FAT3: variants seen among roughly 807,000 people sequenced by gnomAD.
The protein encoded by FAT3 is FAT atypical cadherin 3.
Under a neutral mutation model 310.2 loss-of-function variants are expected in FAT3, and 95 were observed. The ratio of observed to expected loss-of-function variants is 0.31; its 90% CI spans 0.26 to 0.36. The LOEUF is 0.36. Ranked by LOEUF, FAT3 falls within the 10% of genes least tolerant of loss-of-function variation. The pLI is 1.00. For missense variants in FAT3, 5,408 were observed against 5,715.6 expected (o/e 0.95, Z 1.74); for synonymous variants, 2,314 against 2,192.9 (o/e 1.06, Z -1.54).
At chr11:92,313,444 C>T (rs1353762931) in intron 1 of FAT3, among the ~76,000 whole-genome samples, 1 of 152,172 alleles carries the variant, frequency 6.6e-6, no homozygotes, top group East Asian at 1.9e-4. Flanking sequence ...GTATATTTCT[C>T]AACAATTTAA....
In FAT3 at chr11:92,652,654, A is replaced by G. The variant is rs1942421779; in HGVS notation, c.3608-44730A>G. Among the ~76,000 whole-genome samples, 3 of 152,174 alleles carry G rather than the reference A, an allele frequency of 2.0e-5. No individual in the cohort carries two copies. The South Asian group carries it at 6.2e-4, about 32-fold the overall frequency. ...CCTTTGCTTTAACTGCTCCTCAGAAACCGGCGAATGGGAGGAAAGGAGTCT... is the reference window on the plus strand; with the variant it reads ...CCTTTGCTTTAACTGCTCCTCAGAAGCCGGCGAATGGGAGGAAAGGAGTCT... On this transcript the variant is annotated intron_variant, in intron 3 of 27. Coordinates refer to ENST00000525166, the MANE Select transcript of FAT3 (RefSeq NM_001367949.2).
At chr11:92,735,235 C>T (rs1945306692) in intron 4 of FAT3, among the ~76,000 whole-genome samples, 1 of 152,106 alleles carries the variant, frequency 6.6e-6, no homozygotes, top group Non-Finnish European at 1.5e-5. Context: ...TTAACACTCT[C>T]AGGTCACTAG....
chr11:92,745,339 G>A (rs1404813150), intron 4 of FAT3, among the ~76,000 whole-genome samples: 1 of 152,174 alleles, frequency 6.6e-6, no homozygotes, highest in Non-Finnish European at 1.5e-5. Context: ...TTGGTTCATG[G>A]CAGAAGTTTC....
chr11:92,869,595 A>G (rs2136360693), intron 22 of FAT3, among the ~76,000 whole-genome samples: 1 of 152,360 alleles, frequency 6.6e-6, no homozygotes, highest in African/African-American at 2.4e-5. Context: ...ATATCAATAG[A>G]GGAAGTTTTG....
At chr11:92,575,389 C>T (rs373107409) in intron 3 of FAT3, among the ~76,000 whole-genome samples, 2 of 152,054 alleles carry the variant, frequency 1.3e-5, no homozygotes, top group Non-Finnish European at 2.9e-5. Context: ...AATAATAATA[C>T]GTTGTATATG....
At chr11:92,487,935 G>C (rs1406512408) in intron 2 of FAT3, among the ~76,000 whole-genome samples, 2 of 152,174 alleles carry the variant, frequency 1.3e-5, no homozygotes, top group Non-Finnish European at 2.9e-5. Context: ...CTGTCCCTTG[G>C]TGTGCACACC....
At chr11:92,854,819 G>A (rs1948927458) in intron 19 of FAT3, among the ~76,000 whole-genome samples, 1 of 152,134 alleles carries the variant, frequency 6.6e-6, no homozygotes, top group African/African-American at 2.4e-5. Context: ...GAACAGAACA[G>A]CCTATTAATG....
At position 92,832,030 on chromosome 11, in the gene FAT3, A is replaced by G. The variant is rs776938694; in HGVS notation, c.9871+19A>G. 4.0e-6 allele frequency: 6 copies of G among 1,516,734 alleles called. No homozygotes were observed. Among genetic ancestry groups the G allele is most frequent in the South Asian group, 3.8e-5 (3 of 79,800 alleles). 94.0% of individuals were successfully genotyped at this position (1,516,734 alleles called of 1,614,324 possible). On this transcript the variant is annotated intron_variant, in intron 14 of 27. Transcript: ENST00000525166. ...AAGACAGGTGGGTAAATAGCACTGT[A>G]CTTAGAATACAGAGCTTCAGCTTGG...
chr11:92,837,461 A>G (rs1006713831), intron 16 of FAT3, among the ~76,000 whole-genome samples: 1 of 152,196 alleles, frequency 6.6e-6, no homozygotes, highest in African/African-American at 2.4e-5. Context: ...TAAACATCCT[A>G]AAATGCACAG....
chr11:92,393,566 A>G (rs1949795369), intron 2 of FAT3, among the ~76,000 whole-genome samples: 1 of 152,170 alleles, frequency 6.6e-6, no homozygotes, highest in East Asian at 1.9e-4. Flanking sequence ...GGATAAGCAC[A>G]GCTTGTGTTT....
Position 92,831,622 on chromosome 11 carries a change from G to A in FAT3, c.9482G>A (p.Gly3161Asp). ...TRVQAVDPDI[G>D]INRKVVYSLA... ...TCATTTTCCTGTGTCTCTCCCACAG[G>A]CATCAATAGGAAGGTCGTGTACTCC... is the stretch of plus-strand genomic sequence containing the variant. Residue 3161 changes from glycine (G) to aspartate (D), a missense_variant and splice_region_variant, in exon 14 of 28, where the codon GGC becomes GAC. By Grantham distance (94) the Gly-to-Asp change is moderately conservative. Coordinates refer to ENST00000525166, the MANE Select transcript of FAT3 (RefSeq NM_001367949.2). 1 of 1,608,962 alleles carries A rather than the reference G, an allele frequency of 6.2e-7. No homozygotes were observed.
chr11:92,290,713 G>A (rs762833761), intron 1 of FAT3, among the ~76,000 whole-genome samples: 1 of 151,286 alleles, frequency 6.6e-6, no homozygotes, highest in Admixed American at 6.6e-5. Flanking sequence ...TCAGTGAGGC[G>A]AGATCATGCC....
intron 1 of FAT3, among the ~76,000 whole-genome samples, chr11:92,239,396 T>C (rs1864574406): frequency 1.3e-5 from 2 of 152,040 alleles, no homozygotes; most frequent in African/African-American, 2.4e-5. Context: ...AAAACTTGAG[T>C]GTGCACCTAG....
At chr11:92,367,157 G>A (rs906134370) in intron 2 of FAT3, 2 of 383,886 alleles carry the variant, frequency 5.2e-6, no homozygotes, top group African/African-American at 4.1e-5. Flanking sequence ...TGGCCTGCTG[G>A]GCTCAGGTTG....
chr11:92,775,579 C>T (rs80304507), intron 7 of FAT3, among the ~76,000 whole-genome samples: 6,255 of 152,160 alleles, frequency 0.041, 289 homozygotes, highest in East Asian at 0.21. Context: ...CTCTGTTTGC[C>T]TTAAAGAGTC....
chr11:92,610,863 A>C (rs527392132), intron 3 of FAT3, among the ~76,000 whole-genome samples: 18 of 152,272 alleles, frequency 1.2e-4, no homozygotes, highest in Non-Finnish European at 2.5e-4. Context: ...TGAGTGCATA[A>C]AGACTGCAGC....
At chr11:92,574,077 C>T (rs541560083) in intron 3 of FAT3, among the ~76,000 whole-genome samples, 31 of 152,200 alleles carry the variant, frequency 2.0e-4, no homozygotes, top group Non-Finnish European at 3.7e-4. Context: ...TCACAAGGGC[C>T]TCAAGAGGGA....
chr11:92,855,805 C>G (rs1252565650), intron 19 of FAT3, among the ~76,000 whole-genome samples: 4 of 152,106 alleles, frequency 2.6e-5, no homozygotes, highest in East Asian at 1.9e-4. Flanking sequence ...CCAAGAGTGT[C>G]TTTTATGACT....
At chr11:92,368,155 G>T (rs1034407951) in intron 2 of FAT3, among the ~76,000 whole-genome samples, 16 of 152,048 alleles carry the variant, frequency 1.1e-4, no homozygotes, top group African/African-American at 3.1e-4. Flanking sequence ...TTGCTTGATT[G>T]CCTTTCCCTA....
Sources: gnomAD v4.1 joint callset for allele counts (sites outside exome capture counted in the v4.1 genomes callset) on GRCh38, gnomAD v4.1.1 for gene constraint, MANE v1.5 for transcripts, NCBI Gene and HGNC (gene_info 2026-07-23, HGNC 2026-07-21) for gene names.